The following RNLS variants were observed in gnomAD, a reference collection of about 807,000 sequenced individuals.
The protein encoded by RNLS is renalase, FAD dependent amine oxidase, also known as renalase.
RNLS carries 39 observed loss-of-function variants against 39.8 expected under a neutral mutation model. The observed-to-expected ratio is 0.98, with a 90% CI of 0.76 to 1.28. RNLS has a LOEUF of 1.28. RNLS is among the 50% of genes most tolerant of loss of function. The pLI, the probability that RNLS is intolerant of heterozygous loss-of-function variation, is 0.00. For synonymous variants in RNLS, 147 were observed against 150.7 expected (o/e 0.98, Z 0.18); for missense variants, 410 against 413.3 (o/e 0.99, Z 0.07).
rs1854227233 is a variant in RNLS, at chr10:88,419,198, A to AGTGCAAATGGTGTCCTTGCT, written c.527-56493_527-56474dup. Among the ~76,000 whole-genome samples the AGTGCAAATGGTGTCCTTGCT allele has an allele frequency of 2.0e-5, 3 of 152,222 alleles. No individual in the cohort carries two copies. In the South Asian group the frequency reaches 6.2e-4, roughly 32 times the overall value. ...CTCCCACCCACAGACATACTATCTA[A>AGTGCAAATGGTGTCCTTGCT]GTGCAAATGGTGTCCTTGCTGTGCA... On this transcript the variant is annotated intron_variant, in intron 4 of 6. Transcript: ENST00000331772.
chr10:88,414,472 A>T (rs1013307458), intron 4 of RNLS, among the ~76,000 whole-genome samples: 3 of 152,238 alleles, frequency 2.0e-5, no homozygotes, highest in Non-Finnish European at 4.4e-5. Flanking sequence ...GAAGAAGATT[A>T]AAAACTACCA....
At chr10:88,574,759 C>T (rs1003038017) in intron 3 of RNLS, among the ~76,000 whole-genome samples, 1 of 152,170 alleles carries the variant, frequency 6.6e-6, no homozygotes, top group Non-Finnish European at 1.5e-5. Context: ...AAACAGTACT[C>T]CATCTTGCCT....
chr10:88,245,346 C>T, the RNLS span, among the ~76,000 whole-genome samples: 12 of 152,198 alleles, frequency 7.9e-5, no homozygotes, highest in African/African-American at 2.2e-4. Context: ...GTTATTAAGG[C>T]GCTGGCAGGG....
chr10:88,544,071 C>T lies in RNLS; in HGVS notation c.526+28832G>A, dbSNP rs1396667073. Among the ~76,000 whole-genome samples the T allele has an allele frequency of 2.6e-5, 4 of 152,164 alleles. 1 individual carries two copies. On this transcript the variant is annotated intron_variant, in intron 4 of 6. Transcript: ENST00000331772. ...TCTGTGACTTTGGGCAAGCTACTTA[C>T]CTTTTCCATACTTAAGTTCATCAGG...
intron 4 of RNLS, among the ~76,000 whole-genome samples, chr10:88,529,214 G>C (rs1207732308): frequency 2.0e-5 from 3 of 152,106 alleles, no homozygotes; most frequent in South Asian, 4.1e-4. Flanking sequence ...GGAGGAACAG[G>C]GTATGCAAAA....
At chr10:88,411,947 T>C (rs1290295692) in intron 4 of RNLS, among the ~76,000 whole-genome samples, 2 of 151,890 alleles carry the variant, frequency 1.3e-5, no homozygotes, top group Non-Finnish European at 2.9e-5. Context: ...AACATGGCCA[T>C]AGTAAAGGGC....
chr10:88,450,867 C>T (rs1324482477), intron 4 of RNLS, among the ~76,000 whole-genome samples: 2 of 152,004 alleles, frequency 1.3e-5, no homozygotes, highest in Non-Finnish European at 2.9e-5. Flanking sequence ...GTATAAATAA[C>T]AACAAACAGG....
chr10:88,199,471 G>A, the RNLS span, among the ~76,000 whole-genome samples: 2 of 152,164 alleles, frequency 1.3e-5, no homozygotes, highest in Non-Finnish European at 2.9e-5. Context: ...AACCAAAAAT[G>A]TCTCCCGATA....
the RNLS span, among the ~76,000 whole-genome samples, chr10:88,229,292 T>C: frequency 2.6e-5 from 4 of 152,212 alleles, no homozygotes; most frequent in African/African-American, 9.6e-5. Context: ...CTCTCAGCTC[T>C]GCCTCGATGT....
chr10:88,484,620 C>T (rs1324586603), intron 4 of RNLS, among the ~76,000 whole-genome samples: 1 of 151,900 alleles, frequency 6.6e-6, no homozygotes, highest in African/African-American at 2.4e-5. Context: ...TGCCACAAGA[C>T]AGAAAAATGG....
At chr10:88,354,996 T>C (rs1382485981) in intron 5 of RNLS, among the ~76,000 whole-genome samples, 1 of 152,256 alleles carries the variant, frequency 6.6e-6, no homozygotes. Context: ...TTTCTTCCAG[T>C]TGATTGAATC....
Position 88,346,551 on chromosome 10 carries a change from A to AT in RNLS, c.700+16000_700+16001insA, listed in dbSNP as rs1381554311. On this transcript the variant is annotated intron_variant, in intron 5 of 6. Transcript: ENST00000331772. ...ATGTGATTTAAAGGGTAGTGGTAAC[A>AT]GACATCTAGACTGTTTTAGAGATAA... is the stretch of plus-strand genomic sequence containing the variant. Among the ~76,000 whole-genome samples, 5 of 152,310 alleles carry AT rather than the reference A, an allele frequency of 3.3e-5. No individual in the cohort carries two copies. In the South Asian group the frequency reaches 1.0e-3, roughly 32 times the overall value.
the RNLS span, among the ~76,000 whole-genome samples, chr10:88,241,552 G>A: frequency 1.3e-5 from 2 of 152,080 alleles, no homozygotes; most frequent in Admixed American, 1.3e-4. Context: ...GTCATGCCAG[G>A]AGTTCATCTA....
At chr10:88,302,682 A>G (rs1844613730) in intron 6 of RNLS, among the ~76,000 whole-genome samples, 1 of 152,244 alleles carries the variant, frequency 6.6e-6, no homozygotes, top group African/African-American at 2.4e-5. Context: ...AATATGTGTC[A>G]GACTATGAAA....
At chr10:88,387,899 C>T (rs539497217) in intron 4 of RNLS, among the ~76,000 whole-genome samples, 8 of 152,244 alleles carry the variant, frequency 5.3e-5, no homozygotes, top group East Asian at 1.9e-4. Flanking sequence ...CTGTTCTTCA[C>T]GACCACACAC....
chr10:88,494,133 C>T (rs962089825), intron 4 of RNLS, among the ~76,000 whole-genome samples: 1 of 152,010 alleles, frequency 6.6e-6, no homozygotes, highest in Non-Finnish European at 1.5e-5. Context: ...TTGAAAAGAA[C>T]AAGGAAAGCA....
Position 88,532,672 on chromosome 10 carries a change from A to G in RNLS, c.526+40231T>C, listed in dbSNP as rs148549429. Reference sequence around the variant, plus strand: ...TTAAACCATCGTAAATTCTATAGAAATCCTAAGGATAAAGTGTTAGATAAT... The same window carrying G: ...TTAAACCATCGTAAATTCTATAGAAGTCCTAAGGATAAAGTGTTAGATAAT... On this transcript the variant is annotated intron_variant, in intron 4 of 6. Coordinates refer to ENST00000331772, the MANE Select transcript of RNLS (RefSeq NM_001031709.3). Among the ~76,000 whole-genome samples, 220 of 152,198 alleles carry G rather than the reference A, an allele frequency of 1.4e-3. 2 individuals are homozygous for G. The highest frequency in any genetic ancestry group is 5.1e-3 in the African/African-American group (212 of 41,580).
At chr10:88,437,653 T>C (rs1377136903) in intron 4 of RNLS, among the ~76,000 whole-genome samples, 1 of 152,170 alleles carries the variant, frequency 6.6e-6, no homozygotes, top group East Asian at 1.9e-4. Flanking sequence ...TCATGAGTCA[T>C]GCAAGGTTGA....
At chr10:88,407,750 C>T (rs1260825472) in intron 4 of RNLS, among the ~76,000 whole-genome samples, 2 of 152,026 alleles carry the variant, frequency 1.3e-5, no homozygotes, top group Non-Finnish European at 2.9e-5. Flanking sequence ...AATAGCTGGT[C>T]CCTGCTTTGA....
Sources: gnomAD v4.1 joint callset for allele counts (sites outside exome capture counted in the v4.1 genomes callset) on GRCh38, gnomAD v4.1.1 for gene constraint, MANE v1.5 for transcripts, NCBI Gene and HGNC (gene_info 2026-07-23, HGNC 2026-07-21) for gene names.